Variants in ZNF536 observed in about 807,000 individuals in gnomAD.
ZNF536 encodes the protein zinc finger protein 536.
Under a neutral mutation model 84.5 loss-of-function variants are expected in ZNF536, and 13 were observed. That is an observed-to-expected ratio of 0.15 (90% CI 0.10 to 0.24). The LOEUF is 0.24. Ranked by LOEUF, ZNF536 falls within the 10% of genes least tolerant of loss-of-function variation. ZNF536 has a pLI of 1.00. For missense variants in ZNF536, 1,536 were observed against 1,747.5 expected (o/e 0.88, Z 2.16); for synonymous variants, 811 against 742.5 (o/e 1.09, Z -1.50).
rs34335848 is a variant in ZNF536 at position 30,398,388 on chromosome 19, C to CT, written c.-3+25844dup. On this transcript the variant is annotated intron_variant, in intron 1 of 4. Coordinates refer to ENST00000355537, the MANE Select transcript of ZNF536 (RefSeq NM_014717.3). ...CCTTTGGCATTGGCTTTTTCTTTTT[C>CT]TTTTTTTTTTTTAAATTATAGTTTA... Among the ~76,000 whole-genome samples the CT allele has an allele frequency of 9.6e-3, 1,417 of 146,840 alleles. 17 individuals are homozygous for CT. The highest frequency in any genetic ancestry group is 0.025 in the African/African-American group (997 of 40,076).
intron 1 of ZNF536, among the ~76,000 whole-genome samples, chr19:30,243,351 C>G (rs2144909549): frequency 6.6e-6 from 1 of 152,106 alleles, no homozygotes; most frequent in South Asian, 2.1e-4. Context: ...CAATATTGTT[C>G]CCAAGTACAT....
intron 2 of ZNF536, among the ~76,000 whole-genome samples, chr19:30,336,897 C>G (rs952080700): frequency 1.3e-5 from 2 of 152,190 alleles, no homozygotes. Flanking sequence ...AAATAGCTCA[C>G]CCCAAACTTC....
chr19:30,394,157 G>A (rs538439736), intron 1 of ZNF536, among the ~76,000 whole-genome samples: 5 of 152,216 alleles, frequency 3.3e-5, no homozygotes, highest in South Asian at 2.1e-4. Flanking sequence ...ATGAACACAC[G>A]GGACCCCCTT....
intron 2 of ZNF536, among the ~76,000 whole-genome samples, chr19:30,499,584 A>G (rs2145277028): frequency 1.3e-5 from 2 of 152,354 alleles, no homozygotes; most frequent in South Asian, 4.1e-4. Flanking sequence ...TTAAAATAAT[A>G]TGACTTTATA....
At chr19:30,466,310 A>G (rs1228282964) in intron 2 of ZNF536, among the ~76,000 whole-genome samples, 1 of 151,722 alleles carries the variant, frequency 6.6e-6, no homozygotes, top group African/African-American at 2.4e-5. Context: ...GGGAGACTGA[A>G]GCAGGAGGAT....
chr19:30,527,130 G>GT (rs750941304), intron 2 of ZNF536, among the ~76,000 whole-genome samples: 12 of 150,970 alleles, frequency 7.9e-5, no homozygotes, highest in Non-Finnish European at 1.6e-4. Context: ...TATTGGCCAG[G>GT]TTGGTCTCGA....
exon 2 of ZNF536, chr19:30,712,709 C>A (rs1247295870): frequency 1.3e-5 from 2 of 152,120 alleles, no homozygotes; most frequent in Non-Finnish European, 2.9e-5. Flanking sequence ...AAGCTGCTTT[C>A]TTGTTTTTCT....
intron 3 of ZNF536, among the ~76,000 whole-genome samples, chr19:30,366,749 C>T (rs2146962088): frequency 6.6e-6 from 1 of 152,298 alleles, no homozygotes; most frequent in South Asian, 2.1e-4. Flanking sequence ...AGCCACAGTC[C>T]CTGCCCTCTT....
chr19:30,237,056 T>C (rs1164510638), intron 1 of ZNF536, among the ~76,000 whole-genome samples: 1 of 151,378 alleles, frequency 6.6e-6, no homozygotes, highest in Non-Finnish European at 1.5e-5. Flanking sequence ...TTTTTTTTTT[T>C]CTTCTAGGCA....
chr19:30,282,928 C>T (rs560161260), intron 1 of ZNF536, among the ~76,000 whole-genome samples: 19 of 152,330 alleles, frequency 1.2e-4, no homozygotes, highest in Non-Finnish European at 2.2e-4. Flanking sequence ...AATGTGTTTA[C>T]AGACAGCAGC....
At chr19:30,414,352 C>T (rs989629834) in intron 1 of ZNF536, among the ~76,000 whole-genome samples, 1 of 151,844 alleles carries the variant, frequency 6.6e-6, no homozygotes, top group Non-Finnish European at 1.5e-5. Flanking sequence ...TGATTTTAAC[C>T]CATTAACATT....
chr19:30,634,186 C>G (rs1460344528), intron 1 of ZNF536, among the ~76,000 whole-genome samples: 1 of 152,098 alleles, frequency 6.6e-6, no homozygotes, highest in Non-Finnish European at 1.5e-5. Flanking sequence ...AGACAAGGTC[C>G]CATTGGCTTA....
At chr19:30,391,284 C>T (rs1482111687) in intron 1 of ZNF536, among the ~76,000 whole-genome samples, 1 of 152,228 alleles carries the variant, frequency 6.6e-6, no homozygotes, top group Non-Finnish European at 1.5e-5. Flanking sequence ...TGACTTTAAA[C>T]TGCTTTTGCT....
At chr19:30,383,693 T>TTTC (rs370116292) in intron 1 of ZNF536, among the ~76,000 whole-genome samples, 460 of 11,728 alleles carry the variant, frequency 0.039, 19 homozygotes, top group South Asian at 0.13. Context: ...CCTTCCTTTC[T>TTTC]TTTCTTTCTC....
rs117255092 is a variant in ZNF536 at position 30,327,926 on chromosome 19, C to T, written c.-119-24442C>T. The stretch of plus-strand genomic sequence containing the variant: ...TTACCCAGTCAGTAGAATGAGCAGG[C>T]GGGATCAGCCTGGGCTCCTGGAGCC... On this transcript the variant is annotated intron_variant, in intron 2 of 5. Transcript: ENST00000585628. 1.1e-3 allele frequency among the ~76,000 whole-genome samples: 171 copies of T among 152,266 alleles called. 3 individuals carry two copies. The East Asian group carries it at 0.026, about 23-fold the overall frequency.
chr19:30,341,976 A>G (rs533487931), intron 2 of ZNF536, among the ~76,000 whole-genome samples: 1 of 152,372 alleles, frequency 6.6e-6, no homozygotes, highest in South Asian at 2.1e-4. Context: ...TATTTGGATC[A>G]GATGACTTTA....
intron 1 of ZNF536, among the ~76,000 whole-genome samples, chr19:30,420,149 T>G (rs4805564): frequency 0.98 from 149,128 of 152,292 alleles, 73,047 homozygotes; most frequent in Non-Finnish European, 0.98. Flanking sequence ...CTGGCTTAAC[T>G]CTTTTAACAA....
At chr19:30,410,791 TTTAAAATC>T (rs1862165204) in intron 1 of ZNF536, among the ~76,000 whole-genome samples, 1 of 152,116 alleles carries the variant, frequency 6.6e-6, no homozygotes, top group South Asian at 2.1e-4. Flanking sequence ...TGAAGGTCTT[TTTAAAATC>T]TCTCACCTTC....
chr19:30,294,861 G>C (rs1336178498), intron 2 of ZNF536, among the ~76,000 whole-genome samples: 1 of 152,204 alleles, frequency 6.6e-6, no homozygotes, highest in African/African-American at 2.4e-5. Context: ...GGCATGCATA[G>C]ATGGAGGCTG....
Sources: allele counts gnomAD v4.1 joint callset (sites outside exome capture counted in the v4.1 genomes callset), GRCh38; gene constraint gnomAD v4.1.1; transcripts MANE v1.5; gene names NCBI Gene and HGNC (gene_info 2026-07-23, HGNC 2026-07-21).